Variants in PITPNC1 observed in about 807,000 individuals in gnomAD.
PITPNC1 encodes the protein cytoplasmic phosphatidylinositol transfer protein 1.
In PITPNC1, 18 loss-of-function variants were observed where a neutral mutation model predicts 44.7. The observed-to-expected ratio is 0.40, with a 90% CI of 0.28 to 0.60. The LOEUF (loss-of-function observed/expected upper bound fraction) is 0.60. Among genes scored for constraint, PITPNC1 ranks in the 20% least tolerant of loss-of-function variants. The pLI is 0.39. For missense variants in PITPNC1, 290 were observed against 418.4 expected (o/e 0.69, Z 2.68); for synonymous variants, 141 against 149.6 (o/e 0.94, Z 0.42).
rs76766498 is a variant in PITPNC1, at chr17:67,422,046, A to G, written c.48+43844A>G. Among the ~76,000 whole-genome samples, 595 of 152,304 alleles carry G rather than the reference A, an allele frequency of 3.9e-3. 1 individual carries two copies. The highest frequency in any genetic ancestry group is 6.5e-3 in the Non-Finnish European group (444 of 68,014). On this transcript the variant is annotated intron_variant, in intron 1 of 8. Coordinates refer to ENST00000581322, the MANE Select transcript of PITPNC1 (RefSeq NM_012417.4). ...AAGAATCTGTGAACCCTTAGAACTC[A>G]GGCAAGGTGAGCTGGTGTGACTTGC...
At chr17:67,504,758 A>G (rs1023854138) in intron 1 of PITPNC1, among the ~76,000 whole-genome samples, 5 of 151,980 alleles carry the variant, frequency 3.3e-5, no homozygotes, top group African/African-American at 1.2e-4. Context: ...TAGTTAATTA[A>G]TTTAGGTTAA....
chr17:67,476,270 C>T (rs1244405864), intron 1 of PITPNC1, among the ~76,000 whole-genome samples: 1 of 151,628 alleles, frequency 6.6e-6, no homozygotes, highest in South Asian at 2.1e-4. Flanking sequence ...ACTGCAGCCT[C>T]TGTCCCCCCA....
rs545396883 is a variant in PITPNC1 at position 67,381,144 on chromosome 17, A to G, written c.48+2942A>G. ...AGATCGAGACCATCCTGGCTAACAC[A>G]GTGAAACCCCGTCTCTACTAAAAAT... On this transcript the variant is annotated intron_variant, in intron 1 of 8. Transcript: ENST00000581322. Among the ~76,000 whole-genome samples, 290 of 152,062 alleles carry G rather than the reference A, an allele frequency of 1.9e-3. 1 individual carries two copies. Among genetic ancestry groups the G allele is most frequent in the Non-Finnish European group, 3.5e-3 (238 of 67,978 alleles).
intron 1 of PITPNC1, among the ~76,000 whole-genome samples, chr17:67,451,233 T>TA (rs2039170925): frequency 6.6e-6 from 1 of 152,112 alleles, no homozygotes; most frequent in Admixed American, 6.5e-5. Flanking sequence ...GGTTTTGCCA[T>TA]GTTGACCAGG....
intron 5 of PITPNC1, among the ~76,000 whole-genome samples, chr17:67,624,671 G>A (rs899302206): frequency 3.9e-5 from 6 of 151,936 alleles, no homozygotes; most frequent in Admixed American, 2.6e-4. Flanking sequence ...ACAGGCACCC[G>A]CCAATATGCC....
At chr17:67,494,434 G>C (rs764865590) in intron 1 of PITPNC1, among the ~76,000 whole-genome samples, 23 of 151,792 alleles carry the variant, frequency 1.5e-4, no homozygotes, top group Non-Finnish European at 2.9e-4. Flanking sequence ...TCCTGTCCTC[G>C]TGATCCACCC....
At chr17:67,382,984 A>G (rs1645071431) in intron 1 of PITPNC1, among the ~76,000 whole-genome samples, 1 of 151,214 alleles carries the variant, frequency 6.6e-6, no homozygotes, top group Admixed American at 6.6e-5. Flanking sequence ...TGAGCCATTT[A>G]TTTATTTATT....
At chr17:67,382,474 T>C (rs1238455927) in intron 1 of PITPNC1, among the ~76,000 whole-genome samples, 2 of 152,140 alleles carry the variant, frequency 1.3e-5, no homozygotes, top group Non-Finnish European at 2.9e-5. Context: ...TTGTGTTAAA[T>C]GTGGTGGTCT....
rs1167020306 is a variant in PITPNC1 at position 67,435,706 on chromosome 17, G to A, written c.48+57504G>A. 2.0e-5 allele frequency among the ~76,000 whole-genome samples: 3 copies of A among 152,258 alleles called. No individual in the cohort carries two copies. The East Asian group carries it at 5.8e-4, about 29-fold the overall frequency. ...ATCTCTACTAAAAATACCAAAATTAGGCAGGTGTGGTGGTGCACATCTGTA... is the reference window on the plus strand; with the variant it reads ...ATCTCTACTAAAAATACCAAAATTAAGCAGGTGTGGTGGTGCACATCTGTA... On this transcript the variant is annotated intron_variant, in intron 1 of 8. Transcript: ENST00000581322.
chr17:67,542,636 C>G (rs529013426), intron 2 of PITPNC1, among the ~76,000 whole-genome samples: 1 of 152,134 alleles, frequency 6.6e-6, no homozygotes. Context: ...ATTGTTGGAC[C>G]GGCCGTAACT....
rs1044871199 is a variant in PITPNC1 at position 67,508,340 on chromosome 17, G to C, written c.49-24462G>C. Among the ~76,000 whole-genome samples the C allele has an allele frequency of 2.0e-5, 3 of 152,238 alleles. No individual in the cohort carries two copies. The highest frequency in any genetic ancestry group is 4.4e-5 in the Non-Finnish European group (3 of 68,034). ...CCCAGTTTTACGGTTATTTCTTAAT[G>C]ATGTGCTAAACAAGGGGTGGGTTAT... On this transcript the variant is annotated intron_variant, in intron 1 of 8. Transcript: ENST00000581322. This position sits in a 1 kb window ranked among gnomAD's most constrained non-coding sequence, Gnocchi z 4.2.
intron 8 of PITPNC1, among the ~76,000 whole-genome samples, chr17:67,690,710 T>C (rs2042910800): frequency 6.6e-6 from 1 of 152,138 alleles, no homozygotes; most frequent in Non-Finnish European, 1.5e-5. Context: ...CCTTGGGCCT[T>C]GACTCAGTCT....
intron 1 of PITPNC1, among the ~76,000 whole-genome samples, chr17:67,450,804 T>C (rs6504507): frequency 0.82 from 124,408 of 152,120 alleles, 51,360 homozygotes; most frequent in Middle Eastern, 0.87. Flanking sequence ...CTGTTCACTT[T>C]CAGAACTTTT....
chr17:67,552,979 C>T (rs902860797), intron 3 of PITPNC1, among the ~76,000 whole-genome samples: 2 of 152,114 alleles, frequency 1.3e-5, no homozygotes, highest in Non-Finnish European at 2.9e-5. Flanking sequence ...TTTTACCACT[C>T]CAAATTTTGA....
At chr17:67,423,274 T>C (rs1049889965) in intron 1 of PITPNC1, among the ~76,000 whole-genome samples, 8 of 152,238 alleles carry the variant, frequency 5.3e-5, no homozygotes, top group Middle Eastern at 3.2e-3. Flanking sequence ...TTCAAATCAC[T>C]GGATACAAGT....
At chr17:67,677,957 A>T (rs1241626100) in intron 8 of PITPNC1, among the ~76,000 whole-genome samples, 2 of 152,102 alleles carry the variant, frequency 1.3e-5, no homozygotes, top group African/African-American at 4.8e-5. Flanking sequence ...TCACACCTGT[A>T]ATCCCAGCAC....
At chr17:67,671,898 C>T (rs1055141095) in intron 7 of PITPNC1, among the ~76,000 whole-genome samples, 1 of 152,090 alleles carries the variant, frequency 6.6e-6, no homozygotes. Flanking sequence ...GGTAAAAAGA[C>T]TTCCTCTTAC....
At chr17:67,625,990 G>A (rs531550394) in intron 5 of PITPNC1, among the ~76,000 whole-genome samples, 44 of 149,526 alleles carry the variant, frequency 2.9e-4, no homozygotes, top group African/African-American at 9.8e-4. Context: ...TTTTTTTTTG[G>A]TTTTGGTTTT....
intron 1 of PITPNC1, among the ~76,000 whole-genome samples, chr17:67,443,633 CTTTT>C (rs5821477): frequency 8.2e-6 from 1 of 122,578 alleles, no homozygotes. Flanking sequence ...GGACACTGGT[CTTTT>C]TTTTTTTTTT....
Sources: gnomAD v4.1 joint callset for allele counts (sites outside exome capture counted in the v4.1 genomes callset) on GRCh38, gnomAD v4.1.1 for gene constraint, Gnocchi (gnomAD v3.1) non-coding constraint, MANE v1.5 for transcripts, NCBI Gene and HGNC (gene_info 2026-07-23, HGNC 2026-07-21) for gene names.